The following E2F3 variants were observed in gnomAD, a reference collection of about 807,000 sequenced individuals.
The protein encoded by E2F3 is E2F transcription factor 3, also known as transcription factor E2F3.
A neutral mutation model predicts 44.4 loss-of-function variants in E2F3; 11 were observed. That is an observed-to-expected ratio of 0.25 (90% CI 0.16 to 0.41). E2F3 has a LOEUF of 0.41. Ranked by LOEUF, E2F3 falls within the 10% of genes least tolerant of loss-of-function variation. The probability of loss-of-function intolerance (pLI) is 1.00; values close to 1 mark genes in which losing one functional copy is unlikely to be tolerated. For missense variants in E2F3, 487 were observed against 583.6 expected, an observed-to-expected ratio of 0.83 and a Z score of 1.70; for synonymous variants, 249 against 253.0, an observed-to-expected ratio of 0.98 and a Z score of 0.15.
intron 1 of E2F3, among the ~76,000 whole-genome samples, chr6:20,415,158 C>G (rs956339981): frequency 1.3e-5 from 2 of 152,190 alleles, no homozygotes; most frequent in African/African-American, 4.8e-5. Flanking sequence ...TCCTGATACT[C>G]TGGGAGTTTC....
Position 20,451,231 on chromosome 6 carries a change from G to A in E2F3, c.394-28615G>A, listed in dbSNP as rs185777450. Among the ~76,000 whole-genome samples the A allele has an allele frequency of 5.5e-4, 84 of 152,066 alleles. No homozygotes were observed. In the East Asian group the frequency reaches 0.012, roughly 22 times the overall value. ...ATTGCTTATGTTTTCCCATTTGTTT[G>A]TGTCATCTCTGATTTCTTTGAAGAG... On this transcript the variant is annotated intron_variant, in intron 1 of 6. Transcript: ENST00000346618.
intron 1 of E2F3, among the ~76,000 whole-genome samples, chr6:20,442,951 C>T (rs566227819): frequency 4.3e-5 from 6 of 139,740 alleles, no homozygotes; most frequent in Non-Finnish European, 9.2e-5. Context: ...GCCTGGGCGA[C>T]AAGAGCAAAC....
rs1561842512 is a variant in E2F3 at position 20,402,211 on chromosome 6, CTA to C, written c.-21_-20del. On this transcript the variant is annotated 5_prime_UTR_variant, in exon 1 of 7. Transcript: ENST00000346618. This position sits in a 1 kb window ranked among gnomAD's most constrained non-coding sequence, Gnocchi z 5.6. The stretch of plus-strand genomic sequence containing the variant: ...AACAATACATTAATATACCATAACA[CTA>C]AAAAGAGCAGGAGCGAGAGATGAGA... 4 of 1,570,206 alleles carry C rather than the reference CTA, an allele frequency of 2.5e-6. No homozygotes were observed. The Admixed American group carries it at 8.3e-5, about 33-fold the overall frequency.
intron 1 of E2F3, among the ~76,000 whole-genome samples, chr6:20,477,473 A>G (rs1762085345): frequency 6.6e-6 from 1 of 152,160 alleles, no homozygotes; most frequent in Non-Finnish European, 1.5e-5. Flanking sequence ...TGTGTGAAAT[A>G]GGCCGTGCTG....
At chr6:20,440,310 G>T (rs1346961192) in intron 1 of E2F3, 1 of 152,166 alleles carries the variant, frequency 6.6e-6, no homozygotes, top group African/African-American at 2.4e-5. Flanking sequence ...ATTTAGTAAT[G>T]TCCACATCGT....
intron 1 of E2F3, among the ~76,000 whole-genome samples, chr6:20,448,021 C>T (rs1761006371): frequency 6.6e-6 from 1 of 152,176 alleles, no homozygotes; most frequent in East Asian, 1.9e-4. Context: ...TGCCCCACTT[C>T]CTGTTGACAC....
chr6:20,479,085 A>G lies in E2F3; in HGVS notation c.394-761A>G, dbSNP rs556100788. On this transcript the variant is annotated intron_variant, in intron 1 of 6. Transcript: ENST00000346618. ...AATTGGAGTTAAATTAAAAACTTAG[A>G]TAAGGGCTTCTCATTTGCTAGGCTT... 3.3e-5 allele frequency among the ~76,000 whole-genome samples: 5 copies of G among 152,334 alleles called. No individual in the cohort carries two copies. In the East Asian group the frequency reaches 9.6e-4, roughly 29 times the overall value.
chr6:20,491,112 C>G lies in E2F3; in HGVS notation c.*682C>G, dbSNP rs1762541646. The G allele has an allele frequency of 4.3e-6, 1 of 231,842 alleles. No homozygotes were observed. Among genetic ancestry groups the G allele is most frequent in the Non-Finnish European group, 8.6e-6 (1 of 116,902 alleles). The allele number at this position is 231,842 out of a possible 1,614,324, so 14.4% of individuals were successfully genotyped here. On this transcript the variant is annotated 3_prime_UTR_variant, in exon 7 of 7. Coordinates refer to ENST00000346618, the MANE Select transcript of E2F3 (RefSeq NM_001949.5). ...ACAGAAGACTAGTAGAGTTCTGCCA[C>G]TCTAAGCTGTTGTGGATTTTCCTGT...
rs1439728363 is a variant in E2F3 at position 20,402,600 on chromosome 6, G to A, written c.368G>A (p.Gly123Asp). 1 of 1,351,350 alleles carries A rather than the reference G, an allele frequency of 7.4e-7. No homozygotes were observed. The highest frequency in any genetic ancestry group is 1.9e-5 in the South Asian group (1 of 53,232). The allele number at this position is 1,351,350 out of a possible 1,614,324, so 83.7% of individuals were successfully genotyped here. Residue 123 changes from glycine (G) to aspartate (D), a missense_variant, in exon 1 of 7, where the codon GGC becomes GAC. Around this residue, in one of 3 missense-constraint regions of E2F3, gnomAD observed 238 missense variants for 236.0 expected, o/e 1.01. Transcript: ENST00000346618. This position sits in a 1 kb window ranked among gnomAD's most constrained non-coding sequence, Gnocchi z 5.6. ...LQQPPALGRG[G>D]SGGGGGPPAK... Reference sequence around the variant, plus strand: ...CAGCCACCAGCGCTGGGACGCGGCGGCAGCGGCGGCGGCGGCGGCCCTCCG... The same window carrying A: ...CAGCCACCAGCGCTGGGACGCGGCGACAGCGGCGGCGGCGGCGGCCCTCCG...
intron 1 of E2F3, among the ~76,000 whole-genome samples, chr6:20,478,390 T>C (rs1178757944): frequency 6.6e-6 from 1 of 152,262 alleles, no homozygotes; most frequent in African/African-American, 2.4e-5. Context: ...GATGAGCTAG[T>C]AACCAGTGGC....
chr6:20,431,226 A>G (rs528503188), intron 1 of E2F3, among the ~76,000 whole-genome samples: 22 of 152,264 alleles, frequency 1.4e-4, no homozygotes, highest in African/African-American at 3.9e-4. Flanking sequence ...GGATGCCACT[A>G]TCATTACATC....
intron 1 of E2F3, among the ~76,000 whole-genome samples, chr6:20,462,737 C>G (rs1044015896): frequency 6.6e-6 from 1 of 151,790 alleles, no homozygotes; most frequent in South Asian, 2.1e-4. Flanking sequence ...GGATTACAGG[C>G]GTGAGCCACC....
chr6:20,420,532 G>A (rs1039548797), intron 1 of E2F3, among the ~76,000 whole-genome samples: 3 of 152,104 alleles, frequency 2.0e-5, no homozygotes, highest in African/African-American at 4.8e-5. Context: ...TAAAGCAAAT[G>A]TCACAATAAA....
intron 1 of E2F3, among the ~76,000 whole-genome samples, chr6:20,409,254 G>T (rs1053763975): frequency 6.6e-6 from 1 of 152,162 alleles, no homozygotes; most frequent in East Asian, 1.9e-4. Flanking sequence ...TTGGCTGTGG[G>T]GGTAATGACT....
At chr6:20,448,540 T>C (rs1373339548) in intron 1 of E2F3, among the ~76,000 whole-genome samples, 1 of 152,208 alleles carries the variant, frequency 6.6e-6, no homozygotes, top group African/African-American at 2.4e-5. Context: ...ATGTAAAAAC[T>C]GGCATCTCTT....
chr6:20,443,279 C>G (rs1418817395), intron 1 of E2F3, among the ~76,000 whole-genome samples: 2 of 152,100 alleles, frequency 1.3e-5, no homozygotes, highest in Non-Finnish European at 2.9e-5. Context: ...TATAGTGATT[C>G]TGCATTCCAA....
intron 1 of E2F3, among the ~76,000 whole-genome samples, chr6:20,419,710 G>A (rs779426020): frequency 6.2e-5 from 9 of 144,016 alleles, no homozygotes; most frequent in South Asian, 4.2e-4. Context: ...GACTACAGGC[G>A]CACGCCACCA....
At chr6:20,465,118 A>T (rs552511509) in intron 1 of E2F3, among the ~76,000 whole-genome samples, 3 of 152,330 alleles carry the variant, frequency 2.0e-5, no homozygotes, top group African/African-American at 7.2e-5. Context: ...GAGGAGTCCC[A>T]GGAATTATTC....
At chr6:20,457,846 A>AT (rs891048388) in intron 1 of E2F3, among the ~76,000 whole-genome samples, 12 of 150,730 alleles carry the variant, frequency 8.0e-5, no homozygotes, top group Middle Eastern at 3.2e-3. Flanking sequence ...ACACACTACC[A>AT]TTTTTTTTTC....
Sources: gnomAD v4.1 joint callset for allele counts (sites outside exome capture counted in the v4.1 genomes callset) on GRCh38, gnomAD v4.1.1 for gene constraint, gnomAD v4.1.1 regional missense constraint, Gnocchi (gnomAD v3.1) non-coding constraint, MANE v1.5 for transcripts, NCBI Gene and HGNC (gene_info 2026-07-23, HGNC 2026-07-21) for gene names.